CGGBP1: variants seen among roughly 807,000 people sequenced by gnomAD.
CGGBP1 encodes the protein CGG triplet repeat-binding protein 1.
A neutral mutation model predicts 11.4 loss-of-function variants in CGGBP1; 4 were observed. The observed-to-expected ratio is 0.35, with a 90% CI of 0.17 to 0.80. CGGBP1 has a LOEUF of 0.80. Among genes scored for constraint, CGGBP1 ranks in the 30% least tolerant of loss-of-function variants. The pLI, the probability that CGGBP1 is intolerant of heterozygous loss-of-function variation, is 0.52. For synonymous variants in CGGBP1, 76 were observed against 74.1 expected, an observed-to-expected ratio of 1.03 and a Z score of -0.13; for missense variants, 135 against 202.1, an observed-to-expected ratio of 0.67 and a Z score of 2.01.
chr3:88,060,562 G>A (rs1706814729), upstream of CGGBP1, among the ~76,000 whole-genome samples: 1 of 152,084 alleles, frequency 6.6e-6, no homozygotes, highest in Non-Finnish European at 1.5e-5. Flanking sequence ...TCAGATTCTG[G>A]CTCCACCATC....
chr3:88,106,193 A>G (rs1204138103), intron 2 of CGGBP1, among the ~76,000 whole-genome samples: 1 of 152,044 alleles, frequency 6.6e-6, no homozygotes, highest in African/African-American at 2.4e-5. Context: ...CTTGAAGCCC[A>G]TCTGTGTTTG....
At chr3:88,082,272 G>A (rs192346766) in intron 2 of CGGBP1, among the ~76,000 whole-genome samples, 11 of 152,120 alleles carry the variant, frequency 7.2e-5, no homozygotes, top group Admixed American at 1.3e-4. Context: ...GACTACAGGC[G>A]CGTGCCACCA....
At chr3:88,088,907 G>A (rs1299410873) in intron 2 of CGGBP1, among the ~76,000 whole-genome samples, 1 of 151,464 alleles carries the variant, frequency 6.6e-6, no homozygotes, top group Non-Finnish European at 1.5e-5. Flanking sequence ...CGAGTAGCTG[G>A]GATGACAGGC....
chr3:88,060,623 C>T (rs1053685092), upstream of CGGBP1, among the ~76,000 whole-genome samples: 3 of 152,112 alleles, frequency 2.0e-5, no homozygotes, highest in African/African-American at 7.2e-5. Flanking sequence ...CTCAGTTTCC[C>T]CTTCTGTCAA....
At chr3:88,074,930 A>G (rs1020526717) in intron 2 of CGGBP1, among the ~76,000 whole-genome samples, 1 of 152,112 alleles carries the variant, frequency 6.6e-6, no homozygotes, top group African/African-American at 2.4e-5. Flanking sequence ...ATATTTTACT[A>G]GGAAAACTCA....
At chr3:88,064,849 A>C (rs1205898994) in intron 2 of CGGBP1, among the ~76,000 whole-genome samples, 2 of 152,366 alleles carry the variant, frequency 1.3e-5, no homozygotes, top group Non-Finnish European at 2.9e-5. Context: ...GTCTCAAATT[A>C]GTTTTCTAGC....
chr3:88,135,135 A>G, intron 2 of CGGBP1: 2 of 1,492,146 alleles, frequency 1.3e-6, no homozygotes, highest in South Asian at 1.3e-5. Context: ...GATCAATGCT[A>G]CCAGCTTTTA....
At chr3:88,101,933 C>G (rs1456199645) in intron 2 of CGGBP1, among the ~76,000 whole-genome samples, 1 of 151,908 alleles carries the variant, frequency 6.6e-6, no homozygotes, top group Non-Finnish European at 1.5e-5. Context: ...TTTTTGTATG[C>G]TTTGCTATTT....
chr3:88,059,593 ATG>A (rs1706723373), upstream of CGGBP1: 1 of 1,414,662 alleles, frequency 7.1e-7, no homozygotes, highest in African/African-American at 1.5e-5. Context: ...AATCTGGTCT[ATG>A]TCCAGTGCCC....
chr3:88,081,903 A>T (rs191199737), intron 2 of CGGBP1, among the ~76,000 whole-genome samples: 21 of 152,332 alleles, frequency 1.4e-4, no homozygotes, highest in African/African-American at 5.1e-4. Flanking sequence ...AAATACTTTT[A>T]TATATACAAC....
chr3:88,067,800 T>G (rs765550100), intron 2 of CGGBP1, among the ~76,000 whole-genome samples: 1 of 151,940 alleles, frequency 6.6e-6, no homozygotes, highest in Non-Finnish European at 1.5e-5. Flanking sequence ...GAATAGACAG[T>G]AAGTACAAAT....
exon 1 of CGGBP1, chr3:88,149,801 T>C (rs1044484568): frequency 2.1e-6 from 1 of 485,842 alleles, no homozygotes; most frequent in South Asian, 2.1e-5. Context: ...ATGTTCTCCA[T>C]ATAAACCCAG....
intron 2 of CGGBP1, among the ~76,000 whole-genome samples, chr3:88,107,507 G>A (rs1704815777): frequency 1.3e-5 from 2 of 152,000 alleles, no homozygotes; most frequent in African/African-American, 4.8e-5. Flanking sequence ...GGCATTTTCT[G>A]GGCTCTCCTG....
chr3:88,115,899 A>G (rs1489940023), intron 2 of CGGBP1, among the ~76,000 whole-genome samples: 1 of 152,222 alleles, frequency 6.6e-6, no homozygotes, highest in Non-Finnish European at 1.5e-5. Flanking sequence ...GCTGGAAATT[A>G]GGATGGGAAC....
intron 2 of CGGBP1, among the ~76,000 whole-genome samples, chr3:88,107,009 G>T (rs1438977975): frequency 6.6e-6 from 1 of 152,114 alleles, no homozygotes; most frequent in Non-Finnish European, 1.5e-5. Context: ...TTTAATTATA[G>T]AGGCTTTACA....
At chr3:88,062,306 A>G (rs1222872873), upstream of CGGBP1, among the ~76,000 whole-genome samples, 2 of 152,214 alleles carry the variant, frequency 1.3e-5, no homozygotes. Flanking sequence ...TCCATTATGT[A>G]GACATGCTGG....
intron 2 of CGGBP1, among the ~76,000 whole-genome samples, chr3:88,069,387 A>G (rs1707380441): frequency 6.6e-6 from 1 of 152,184 alleles, no homozygotes; most frequent in Admixed American, 6.5e-5. Context: ...GCGCCGCTGC[A>G]CTTCAGCCTG....
chr3:88,149,791 A>G (rs948824894), exon 1 of CGGBP1: 16 of 436,642 alleles, frequency 3.7e-5, no homozygotes, highest in South Asian at 4.7e-5. Flanking sequence ...CGGATAGTCT[A>G]TGTTCTCCAT....
chr3:88,074,729 T>C (rs1707707157), intron 2 of CGGBP1, among the ~76,000 whole-genome samples: 1 of 152,196 alleles, frequency 6.6e-6, no homozygotes, highest in Non-Finnish European at 1.5e-5. Flanking sequence ...TTTAGAAATA[T>C]ACTAATATTT....
Sources: allele counts gnomAD v4.1 joint callset (sites outside exome capture counted in the v4.1 genomes callset), GRCh38; gene constraint gnomAD v4.1.1; transcripts MANE v1.5; gene names NCBI Gene and HGNC (gene_info 2026-07-23, HGNC 2026-07-21).